LRRC4B: variants seen among roughly 807,000 people sequenced by gnomAD.
LRRC4B encodes the protein leucine rich repeat containing 4B, also known as leucine-rich repeat-containing protein 4B.
In LRRC4B, 1 loss-of-function variant was observed where a neutral mutation model predicts 7.3. The ratio of observed to expected loss-of-function variants is 0.14; its 90% CI spans 0.05 to 0.65. The LOEUF (loss-of-function observed/expected upper bound fraction) is 0.65, where lower values mean the gene tolerates loss of function less well. Among genes scored for constraint, LRRC4B ranks in the 30% least tolerant of loss-of-function variants. The probability of loss-of-function intolerance (pLI) is 0.84; values close to 1 mark genes in which losing one functional copy is unlikely to be tolerated. For missense variants in LRRC4B, 730 were observed against 1,041.6 expected (o/e 0.70, Z 4.12); for synonymous variants, 500 against 499.2 (o/e 1.00, Z -0.02).
Position 50,528,907 on chromosome 19 carries a change from C to T in LRRC4B, c.298-9492G>A, listed in dbSNP as rs145011986. On this transcript the variant is annotated intron_variant, in intron 2 of 2. Transcript: ENST00000652263. ...CCTGAGGGTCATTTGGGTCCCAAGC[C>T]GGCCTGGGGTCTCTGCACCCAGCCG... Among the ~76,000 whole-genome samples, 371 of 152,214 alleles carry T rather than the reference C, an allele frequency of 2.4e-3. 2 individuals carry two copies. In the East Asian group the frequency reaches 0.033, roughly 13 times the overall value.
At chr19:50,531,218 G>A (rs1599766240) in intron 2 of LRRC4B, among the ~76,000 whole-genome samples, 1 of 152,334 alleles carries the variant, frequency 6.6e-6, no homozygotes. Flanking sequence ...CGGCAGCCCT[G>A]GAGGTGAGCA....
In LRRC4B at chr19:50,517,261, A is replaced by C; in HGVS notation, c.*310T>G. 2.2e-5 allele frequency: 5 copies of C among 224,454 alleles called. No homozygotes were observed. The highest frequency in any genetic ancestry group is 8.0e-5 in the East Asian group (1 of 12,428). 13.9% of individuals were successfully genotyped at this position (224,454 alleles called of 1,614,324 possible). ...TCCCCTGGAAGGCGGCGGGCCCGGA[A>C]CGCTTGGTGGGAGAGCGAGGAGGAA... On this transcript the variant is annotated 3_prime_UTR_variant, in exon 3 of 3. Transcript: ENST00000652263. This position sits in a 1 kb window ranked among gnomAD's most constrained non-coding sequence, Gnocchi z 6.6.
intron 2 of LRRC4B, among the ~76,000 whole-genome samples, chr19:50,539,196 T>C (rs1981436305): frequency 6.6e-6 from 1 of 152,204 alleles, no homozygotes; most frequent in Non-Finnish European, 1.5e-5. Context: ...TTTTTTGTTT[T>C]TGCAACAGAA....
chr19:50,524,930 T>G (rs188204473), intron 2 of LRRC4B, among the ~76,000 whole-genome samples: 12 of 152,232 alleles, frequency 7.9e-5, no homozygotes, highest in Non-Finnish European at 1.2e-4. Flanking sequence ...CCAGCAGCCC[T>G]AAGAACAAGG....
chr19:50,534,833 T>G (rs530192534), intron 2 of LRRC4B, among the ~76,000 whole-genome samples: 81 of 152,334 alleles, frequency 5.3e-4, no homozygotes, highest in African/African-American at 1.6e-3. Flanking sequence ...AGAAAACAAT[T>G]AAGTGAACTG....
At chr19:50,529,351 C>T (rs556262564) in intron 2 of LRRC4B, among the ~76,000 whole-genome samples, 3 of 152,186 alleles carry the variant, frequency 2.0e-5, no homozygotes, top group African/African-American at 4.8e-5. Context: ...TCTCACCAAA[C>T]GCAGCTTATC....
At chr19:50,550,245 GC>G (rs1452308313) in intron 1 of LRRC4B, among the ~76,000 whole-genome samples, 2 of 152,060 alleles carry the variant, frequency 1.3e-5, no homozygotes, top group Non-Finnish European at 2.9e-5. Context: ...GGGTACTTCG[GC>G]CCTGGGTCTA....
chr19:50,557,317 G>GC (rs1375044192), intron 1 of LRRC4B, among the ~76,000 whole-genome samples: 1 of 152,054 alleles, frequency 6.6e-6, no homozygotes, highest in Non-Finnish European at 1.5e-5. Context: ...CCTGCCACAG[G>GC]CCCCCCAGCC....
At chr19:50,538,259 C>A (rs1326517349) in intron 2 of LRRC4B, among the ~76,000 whole-genome samples, 1 of 152,186 alleles carries the variant, frequency 6.6e-6, no homozygotes, top group South Asian at 2.1e-4. Flanking sequence ...GACGGGGTTT[C>A]GCCATGTTGG....
intron 2 of LRRC4B, among the ~76,000 whole-genome samples, chr19:50,520,203 C>CAAAAAAAAAAAAAA: frequency 1.1e-4 from 1 of 9,368 alleles, no homozygotes; most frequent in Non-Finnish European, 1.9e-4. Flanking sequence ...AATACCCTGT[C>CAAAAAAAAAAAAAA]AAAAAAAAAA....
At chr19:50,567,601 A>G (rs557212449) in intron 1 of LRRC4B, among the ~76,000 whole-genome samples, 2 of 150,816 alleles carry the variant, frequency 1.3e-5, no homozygotes, top group Admixed American at 1.3e-4. Context: ...GGGGGCCCGG[A>G]CCTACGCCCG....
In LRRC4B at chr19:50,563,093, C is replaced by G. The variant is rs187092874; in HGVS notation, c.-36+4851G>C. On this transcript the variant is annotated intron_variant, in intron 1 of 2. Transcript: ENST00000652263. This position sits in a 1 kb window ranked among gnomAD's most constrained non-coding sequence, Gnocchi z 4.9. ...GGATCCCAGATACTACCAGACACCCCCCATTCTCACTCTCAGCAGCCCTCC... is the reference window on the plus strand; with the variant it reads ...GGATCCCAGATACTACCAGACACCCGCCATTCTCACTCTCAGCAGCCCTCC... Among the ~76,000 whole-genome samples, 12 of 152,230 alleles carry G rather than the reference C, an allele frequency of 7.9e-5. No homozygotes were observed. The highest frequency in any genetic ancestry group is 2.6e-4 in the African/African-American group (11 of 41,560).
chr19:50,547,805 G>C (rs1170534068), intron 2 of LRRC4B, among the ~76,000 whole-genome samples: 1 of 151,654 alleles, frequency 6.6e-6, no homozygotes, highest in East Asian at 1.9e-4. Flanking sequence ...GTCCCCCCAA[G>C]CCCTCGCTTA....
chr19:50,538,322 C>A (rs984830201), intron 2 of LRRC4B, among the ~76,000 whole-genome samples: 1 of 152,006 alleles, frequency 6.6e-6, no homozygotes, highest in South Asian at 2.1e-4. Flanking sequence ...CTCGGCCTCC[C>A]GAAGTGGTGG....
intron 2 of LRRC4B, among the ~76,000 whole-genome samples, chr19:50,539,338 C>G (rs1023110396): frequency 1.3e-5 from 2 of 152,132 alleles, no homozygotes; most frequent in African/African-American, 2.4e-5. Context: ...TGCTGGGCGA[C>G]CTTGGATAAG....
intron 2 of LRRC4B, among the ~76,000 whole-genome samples, chr19:50,541,156 C>T (rs1981528744): frequency 2.0e-5 from 3 of 149,824 alleles, no homozygotes. Flanking sequence ...TGCACTCCAG[C>T]CTGGGCGAAA....
At chr19:50,557,400 G>A (rs898305884) in intron 1 of LRRC4B, among the ~76,000 whole-genome samples, 1 of 152,160 alleles carries the variant, frequency 6.6e-6, no homozygotes, top group South Asian at 2.1e-4. Context: ...GGGACACACC[G>A]CCCACCCGGC....
chr19:50,558,657 A>C (rs1982362649), intron 1 of LRRC4B, among the ~76,000 whole-genome samples: 1 of 152,246 alleles, frequency 6.6e-6, no homozygotes, highest in Admixed American at 6.5e-5. Flanking sequence ...GTATGTCGAG[A>C]AGGAGCAGGG....
At chr19:50,530,325 C>T (rs920100249) in intron 2 of LRRC4B, among the ~76,000 whole-genome samples, 3 of 152,198 alleles carry the variant, frequency 2.0e-5, no homozygotes, top group African/African-American at 7.2e-5. Context: ...CTGCCTTTCT[C>T]CCCATTCCCC....
Sources: gnomAD v4.1 joint callset for allele counts (sites outside exome capture counted in the v4.1 genomes callset) on GRCh38, gnomAD v4.1.1 for gene constraint, Gnocchi (gnomAD v3.1) non-coding constraint, MANE v1.5 for transcripts, NCBI Gene and HGNC (gene_info 2026-07-23, HGNC 2026-07-21) for gene names.